The following NRXN3 variants were observed in gnomAD, a reference collection of about 807,000 sequenced individuals.
The protein encoded by NRXN3 is neurexin 3.
NRXN3 carries 32 observed loss-of-function variants against 137.6 expected under a neutral mutation model. The ratio of observed to expected loss-of-function variants is 0.23; its 90% CI spans 0.18 to 0.31. NRXN3 has a LOEUF of 0.31. Ranked by LOEUF, NRXN3 falls within the 10% of genes least tolerant of loss-of-function variation. The pLI, the probability that NRXN3 is intolerant of heterozygous loss-of-function variation, is 1.00. For synonymous variants in NRXN3, 798 were observed against 784.5 expected (o/e 1.02, Z -0.29); for missense variants, 1,574 against 2,062.5 (o/e 0.76, Z 4.59).
intron 15 of NRXN3, among the ~76,000 whole-genome samples, chr14:79,199,286 C>G (rs2065598074): frequency 1.3e-5 from 2 of 151,974 alleles, no homozygotes; most frequent in Non-Finnish European, 2.9e-5. Context: ...TTATTCATTT[C>G]CTCTCGTGCC....
At chr14:79,670,742 A>G (rs1730566523) in intron 17 of NRXN3, among the ~76,000 whole-genome samples, 1 of 152,124 alleles carries the variant, frequency 6.6e-6, no homozygotes. Context: ...TAGAAAGTGG[A>G]AAGTTCTTTG....
intron 10 of NRXN3, among the ~76,000 whole-genome samples, chr14:78,938,848 CTTT>C (rs1255540319): frequency 6.8e-5 from 9 of 132,018 alleles, no homozygotes; most frequent in Non-Finnish European, 4.9e-5. Context: ...AGTGATTTTT[CTTT>C]TTTTTTTTTT....
At chr14:78,612,603 A>G (rs1454473167) in intron 4 of NRXN3, among the ~76,000 whole-genome samples, 1 of 152,206 alleles carries the variant, frequency 6.6e-6, no homozygotes, top group Non-Finnish European at 1.5e-5. Context: ...GAACATACTG[A>G]CCAGGATTTT....
At chr14:79,612,641 G>A (rs887883635) in intron 16 of NRXN3, among the ~76,000 whole-genome samples, 2 of 152,152 alleles carry the variant, frequency 1.3e-5, no homozygotes, top group African/African-American at 2.4e-5. Flanking sequence ...TTGGGGCCGG[G>A]AGTTTGAGAC....
chr14:79,375,959 T>C (rs1294767963), intron 15 of NRXN3, among the ~76,000 whole-genome samples: 1 of 150,714 alleles, frequency 6.6e-6, no homozygotes, highest in African/African-American at 2.4e-5. Context: ...TAGAAAATAA[T>C]GTATGAGCAT....
chr14:79,360,725 G>A (rs2093654704), intron 15 of NRXN3, among the ~76,000 whole-genome samples: 2 of 152,014 alleles, frequency 1.3e-5, no homozygotes, highest in Admixed American at 1.3e-4. Flanking sequence ...ATTTTTCTTA[G>A]GTAAACATAG....
Position 78,216,356 on chromosome 14 carries a change from G to A in NRXN3, c.-703-26035G>A, listed in dbSNP as rs144452707. On this transcript the variant is annotated intron_variant, in intron 1 of 20. Coordinates refer to ENST00000335750, the MANE Select transcript of NRXN3 (RefSeq NM_001330195.2). ...ATTTTGTCCTCCAGATGTCTCTGTG[G>A]CTTGTTCTTTTTGTTCCATTGCTCA... Among the ~76,000 whole-genome samples the A allele has an allele frequency of 5.3e-3, 807 of 152,242 alleles. 7 individuals are homozygous for A. Among genetic ancestry groups the A allele is most frequent in the African/African-American group, 0.018 (762 of 41,534 alleles).
chr14:78,841,796 T>C (rs1448613617), intron 10 of NRXN3, among the ~76,000 whole-genome samples: 2 of 152,150 alleles, frequency 1.3e-5, no homozygotes, highest in Non-Finnish European at 2.9e-5. Flanking sequence ...TCCTCTGCCT[T>C]GATTACCTCT....
At chr14:79,119,173 C>A (rs2054990943) in intron 15 of NRXN3, among the ~76,000 whole-genome samples, 1 of 151,932 alleles carries the variant, frequency 6.6e-6, no homozygotes, top group African/African-American at 2.4e-5. Flanking sequence ...AAATACATAC[C>A]TTTTATACTT....
chr14:79,505,622 A>AAC (rs1337429570), intron 16 of NRXN3, among the ~76,000 whole-genome samples: 1 of 152,218 alleles, frequency 6.6e-6, no homozygotes, highest in Non-Finnish European at 1.5e-5. Flanking sequence ...CTAGATGTCT[A>AAC]ATATATATTA....
intron 4 of NRXN3, among the ~76,000 whole-genome samples, chr14:78,400,082 A>G (rs1325143635): frequency 6.6e-6 from 1 of 152,232 alleles, no homozygotes; most frequent in African/African-American, 2.4e-5. Context: ...GCAGAGAAAT[A>G]ACTGTAAAAC....
intron 17 of NRXN3, among the ~76,000 whole-genome samples, chr14:79,687,943 G>A (rs2098701796): frequency 6.6e-6 from 1 of 152,172 alleles, no homozygotes; most frequent in Admixed American, 6.5e-5. Flanking sequence ...CATATAAAGT[G>A]ATAGATAAGG....
rs943538068 is a variant in NRXN3 at position 79,645,802 on chromosome 14, A to G, written c.3445-17976A>G. Among the ~76,000 whole-genome samples, 11 of 135,140 alleles carry G rather than the reference A, an allele frequency of 8.1e-5. 1 individual carries two copies. The highest frequency in any genetic ancestry group is 2.7e-4 in the African/African-American group (11 of 40,686). The allele number at this position is 135,140 out of a possible 152,430, so 88.7% of individuals were successfully genotyped here. On this transcript the variant is annotated intron_variant, in intron 16 of 20. Transcript: ENST00000335750. ...AAATGTTGGCACCTGATAATGGTGG[A>G]CCTGGGATACCAGGCTGAAGAGTTT...
chr14:79,732,187 CCTCT>C (rs1027589123), intron 19 of NRXN3, among the ~76,000 whole-genome samples: 3 of 152,046 alleles, frequency 2.0e-5, no homozygotes, highest in Non-Finnish European at 2.9e-5. Flanking sequence ...TCTCTCTCAG[CCTCT>C]CTGTTTTTAC....
At chr14:79,563,779 C>T (rs1052275188) in intron 16 of NRXN3, among the ~76,000 whole-genome samples, 10 of 151,974 alleles carry the variant, frequency 6.6e-5, no homozygotes, top group Non-Finnish European at 1.2e-4. Context: ...AGTTCTGCAA[C>T]CTGAATACAT....
chr14:79,259,906 A>G lies in NRXN3; in HGVS notation c.3263-207315A>G, dbSNP rs893330039. On this transcript the variant is annotated intron_variant, in intron 15 of 20. Transcript: ENST00000335750. ...TATTGGTAAGAAAGTTAGGAAATCA[A>G]TCTAATTTCTCCTATTCTGTCTCCC... Among the ~76,000 whole-genome samples the G allele has an allele frequency of 2.0e-5, 3 of 152,026 alleles. No homozygotes were observed. In the East Asian group the frequency reaches 5.8e-4, roughly 29 times the overall value.
At chr14:79,485,880 TAGAG>T (rs2096651462) in intron 16 of NRXN3, among the ~76,000 whole-genome samples, 1 of 152,170 alleles carries the variant, frequency 6.6e-6, no homozygotes, top group African/African-American at 2.4e-5. Flanking sequence ...TGATTTTTCT[TAGAG>T]AGAATTCTGG....
intron 2 of NRXN3, among the ~76,000 whole-genome samples, chr14:78,252,387 G>C (rs1038799339): frequency 6.6e-6 from 1 of 152,156 alleles, no homozygotes; most frequent in Admixed American, 6.5e-5. Flanking sequence ...GACAAGAACT[G>C]TAGGCAATGT....
chr14:79,739,309 C>T (rs1260475251), intron 19 of NRXN3, among the ~76,000 whole-genome samples: 1 of 151,998 alleles, frequency 6.6e-6, no homozygotes, highest in Non-Finnish European at 1.5e-5. Context: ...CTGAGAAAGT[C>T]AAGAAAATGA....
Sources: allele counts gnomAD v4.1 joint callset (sites outside exome capture counted in the v4.1 genomes callset), GRCh38; gene constraint gnomAD v4.1.1; transcripts MANE v1.5; gene names NCBI Gene and HGNC (gene_info 2026-07-23, HGNC 2026-07-21).